Variants in GRID2 observed in about 807,000 individuals in gnomAD.
The protein encoded by GRID2 is glutamate ionotropic receptor delta type subunit 2.
In GRID2, 33 loss-of-function variants were observed where a neutral mutation model predicts 114.8. That is an observed-to-expected ratio of 0.29 (90% CI 0.22 to 0.38). The LOEUF (loss-of-function observed/expected upper bound fraction) is 0.38, where lower values mean the gene tolerates loss of function less well. Among genes scored for constraint, GRID2 ranks in the 10% least tolerant of loss-of-function variants. The pLI is 1.00. For synonymous variants in GRID2, 505 were observed against 449.9 expected (o/e 1.12, Z -1.55); for missense variants, 1,184 against 1,257.7 (o/e 0.94, Z 0.89).
chr4:92,716,611 G>T (rs546576022), intron 2 of GRID2, among the ~76,000 whole-genome samples: 32 of 152,258 alleles, frequency 2.1e-4, no homozygotes, highest in African/African-American at 7.5e-4. Flanking sequence ...ATGAAGGCTT[G>T]TTCAGCTGTC....
chr4:93,512,267 A>G (rs772466949), intron 12 of GRID2, among the ~76,000 whole-genome samples: 22 of 152,214 alleles, frequency 1.4e-4, no homozygotes, highest in Non-Finnish European at 2.6e-4. Context: ...TGACCTTCAG[A>G]TACAAGTTTT....
chr4:93,200,553 G>C (rs1051271134), intron 4 of GRID2, among the ~76,000 whole-genome samples: 3 of 146,672 alleles, frequency 2.0e-5, no homozygotes, highest in African/African-American at 7.9e-5. Flanking sequence ...GCGACAGAGC[G>C]AGACTCCGTC....
At chr4:93,380,558 A>G (rs1016093816) in intron 8 of GRID2, among the ~76,000 whole-genome samples, 1 of 151,912 alleles carries the variant, frequency 6.6e-6, no homozygotes, top group Middle Eastern at 3.4e-3. Flanking sequence ...AAGTGCATAC[A>G]GAAATGTCTA....
At chr4:93,041,535 T>G (rs550587768) in intron 2 of GRID2, among the ~76,000 whole-genome samples, 1 of 152,332 alleles carries the variant, frequency 6.6e-6, no homozygotes, top group Admixed American at 6.5e-5. Flanking sequence ...GGAACTTTAA[T>G]TCTTAACATG....
rs765842580 is a variant in GRID2 at position 92,921,984 on chromosome 4, G to A, written c.245-163011G>A. ...GGCAGGCCGGCCTCCTTGAGCTTTG[G>A]TGGGCTCCACCCAGTTCAAGCTTCC... On this transcript the variant is annotated intron_variant, in intron 2 of 15. Coordinates refer to ENST00000282020, the MANE Select transcript of GRID2 (RefSeq NM_001510.4). 5.4e-4 allele frequency among the ~76,000 whole-genome samples: 82 copies of A among 152,186 alleles called. 1 individual carries two copies. Among genetic ancestry groups the A allele is most frequent in the Admixed American group, 1.8e-3 (27 of 15,272 alleles).
chr4:92,594,558 G>A (rs1257207383), intron 2 of GRID2, among the ~76,000 whole-genome samples: 1 of 151,762 alleles, frequency 6.6e-6, no homozygotes, highest in African/African-American at 2.4e-5. Context: ...TAGTTTTTCT[G>A]TGTCTGACTT....
chr4:92,506,524 T>C (rs1723980128), intron 1 of GRID2, among the ~76,000 whole-genome samples: 1 of 151,994 alleles, frequency 6.6e-6, no homozygotes, highest in Non-Finnish European at 1.5e-5. Context: ...CAGTTGATTA[T>C]ATTGGGAAAA....
intron 2 of GRID2, among the ~76,000 whole-genome samples, chr4:92,720,674 G>GA (rs1207914853): frequency 6.6e-6 from 1 of 151,968 alleles, no homozygotes; most frequent in Non-Finnish European, 1.5e-5. Flanking sequence ...AAAAGGAACT[G>GA]AAAAAATATC....
At chr4:93,030,369 C>T (rs1281880438) in intron 2 of GRID2, among the ~76,000 whole-genome samples, 1 of 151,400 alleles carries the variant, frequency 6.6e-6, no homozygotes. Context: ...GAGGTTGATG[C>T]TCGTAGAGCT....
intron 4 of GRID2, among the ~76,000 whole-genome samples, chr4:93,190,123 C>T (rs1740843901): frequency 6.6e-6 from 1 of 151,986 alleles, no homozygotes; most frequent in Admixed American, 6.6e-5. Context: ...ATATTTATGT[C>T]ATAATTTGTT....
intron 1 of GRID2, among the ~76,000 whole-genome samples, chr4:92,346,257 G>A (rs901779196): frequency 1.3e-5 from 2 of 152,126 alleles, no homozygotes; most frequent in Non-Finnish European, 2.9e-5. Flanking sequence ...CTTGTGTAGG[G>A]ACACAAGTCT....
intron 1 of GRID2, among the ~76,000 whole-genome samples, chr4:92,503,445 C>T (rs1174548557): frequency 6.6e-6 from 1 of 152,094 alleles, no homozygotes; most frequent in East Asian, 1.9e-4. Flanking sequence ...ATGGTTCTAT[C>T]CAAATCCCTT....
chr4:92,711,356 C>G (rs554113274), intron 2 of GRID2, among the ~76,000 whole-genome samples: 8 of 152,072 alleles, frequency 5.3e-5, no homozygotes, highest in African/African-American at 1.7e-4. Flanking sequence ...CACTGCAGTC[C>G]GACCTGGGGG....
intron 2 of GRID2, among the ~76,000 whole-genome samples, chr4:92,732,235 G>A (rs1004011973): frequency 2.0e-5 from 3 of 151,846 alleles, no homozygotes; most frequent in Admixed American, 6.6e-5. Context: ...TTAGTGTTCT[G>A]TCATTGTGTG....
chr4:92,307,219 C>G (rs1725454145), intron 1 of GRID2, among the ~76,000 whole-genome samples: 1 of 151,926 alleles, frequency 6.6e-6, no homozygotes, highest in Non-Finnish European at 1.5e-5. Context: ...GGAGGTGTTG[C>G]CTTCATTTAA....
chr4:93,267,547 A>G (rs1750990706), intron 8 of GRID2, among the ~76,000 whole-genome samples: 2 of 152,318 alleles, frequency 1.3e-5, no homozygotes, highest in Admixed American at 1.3e-4. Flanking sequence ...CGCCACCCAA[A>G]GCTAGTGCTA....
At chr4:93,741,166 TATATATAC>T (rs1268847353) in intron 14 of GRID2, among the ~76,000 whole-genome samples, 2 of 35,862 alleles carry the variant, frequency 5.6e-5, no homozygotes, top group African/African-American at 1.8e-4. Flanking sequence ...AAACTATATA[TATATATAC>T]ATATATATAT....
intron 1 of GRID2, among the ~76,000 whole-genome samples, chr4:92,483,770 A>G (rs1722729143): frequency 6.6e-6 from 1 of 152,190 alleles, no homozygotes; most frequent in Non-Finnish European, 1.5e-5. Context: ...AGGCTGCTAC[A>G]GGGATAGGGA....
chr4:92,416,226 T>C (rs1398453543), intron 1 of GRID2, among the ~76,000 whole-genome samples: 1 of 152,176 alleles, frequency 6.6e-6, no homozygotes, highest in African/African-American at 2.4e-5. Flanking sequence ...TCTGCTCATG[T>C]CATTTTCCCA....
Sources: allele counts gnomAD v4.1 joint callset (sites outside exome capture counted in the v4.1 genomes callset), GRCh38; gene constraint gnomAD v4.1.1; transcripts MANE v1.5; gene names NCBI Gene and HGNC (gene_info 2026-07-23, HGNC 2026-07-21).